DOCK2: variants seen among roughly 807,000 people sequenced by gnomAD.
DOCK2 encodes the protein dedicator of cytokinesis protein 2.
DOCK2 carries 87 observed loss-of-function variants against 248.9 expected under a neutral mutation model. The ratio of observed to expected loss-of-function variants is 0.35; its 90% confidence interval spans 0.29 to 0.42. DOCK2 has a LOEUF of 0.42. Ranked by LOEUF, DOCK2 falls within the 10% of genes least tolerant of loss-of-function variation. The pLI is 1.00. For synonymous variants in DOCK2, 805 were observed against 821.6 expected, an observed-to-expected ratio of 0.98 and a Z score of 0.35; for missense variants, 1,747 against 2,300.2, an observed-to-expected ratio of 0.76 and a Z score of 4.92.
chr5:169,708,001 T>C (rs1337843998), intron 14 of DOCK2, among the ~76,000 whole-genome samples, 168 bp from the exon 15 acceptor site: 1 of 152,190 alleles, frequency 6.6e-6, no homozygotes, highest in Non-Finnish European at 1.5e-5. Flanking sequence ...CACTCCTGTG[T>C]AAATCTGTAA....
chr5:169,901,605 G>C (rs1773930310), intron 27 of DOCK2, among the ~76,000 whole-genome samples: 1 of 152,182 alleles, frequency 6.6e-6, no homozygotes, highest in South Asian at 2.1e-4. Context: ...ATGATGGCAA[G>C]GTGGTAACAG....
intron 9 of DOCK2, among the ~76,000 whole-genome samples, chr5:169,691,862 TA>T (rs1321602686): frequency 3.2e-5 from 4 of 125,546 alleles, no homozygotes; most frequent in African/African-American, 9.0e-5. Context: ...TATTTTTATT[TA>T]TTTTTTTTTT....
chr5:169,658,679 T>C (rs1024823052), intron 2 of DOCK2, among the ~76,000 whole-genome samples: 1 of 151,796 alleles, frequency 6.6e-6, no homozygotes, highest in African/African-American at 2.4e-5. Context: ...TTTAAGCTTA[T>C]ATGTTTGTAC....
chr5:169,938,943 G>A (rs763114742), intron 27 of DOCK2, among the ~76,000 whole-genome samples: 8 of 137,368 alleles, frequency 5.8e-5, no homozygotes, highest in Non-Finnish European at 9.1e-5. Flanking sequence ...TTGCTCTGTC[G>A]CCCAGGCTGG....
chr5:169,881,525 C>G, intron 27 of DOCK2: 1 of 1,027,160 alleles, frequency 9.7e-7, no homozygotes, highest in Non-Finnish European at 1.5e-6. Context: ...GTCCCTTAGT[C>G]CCTATAGCAC....
rs374174531 is a variant in DOCK2, at chr5:170,057,637, C to T, written c.4438C>T (p.Arg1480Cys). Residue 1480 changes from arginine (R) to cysteine (C), a missense_variant, in exon 44 of 52, where the codon CGC becomes TGC. Arg to Cys is a radical substitution (Grantham distance 180, BLOSUM62 -3). Transcript: ENST00000520908. Reference sequence around the variant, plus strand: ...TGCATACAAGCTGCCGGGGATCCTGCGCTGGTTTGAGGTGGTGCACATGTC... The same window carrying T: ...TGCATACAAGCTGCCGGGGATCCTGTGCTGGTTTGAGGTGGTGCACATGTC... ...VTAYKLPGIL[R>C]WFEVVHMSQT... The T allele has an allele frequency of 5.0e-6, 8 of 1,613,684 alleles. No homozygotes were observed. Among genetic ancestry groups the T allele is most frequent in the South Asian group, 2.2e-5 (2 of 91,012 alleles).
At chr5:169,926,576 C>T (rs1775473283) in intron 27 of DOCK2, among the ~76,000 whole-genome samples, 1 of 152,118 alleles carries the variant, frequency 6.6e-6, no homozygotes. Context: ...AGTGATGTGG[C>T]ACATCAGCTC....
At chr5:169,704,915 A>G (rs1042399907) in intron 14 of DOCK2, among the ~76,000 whole-genome samples, 8 of 152,168 alleles carry the variant, frequency 5.3e-5, no homozygotes, top group African/African-American at 1.9e-4. Context: ...TAATCCCAGC[A>G]CTTTGGGAGG....
chr5:170,041,271 A>T, intron 37 of DOCK2, 126 bp downstream of exon 37: 2 of 834,024 alleles, frequency 2.4e-6, no homozygotes, highest in South Asian at 3.1e-5. Flanking sequence ...TGTGTCTCCA[A>T]ACTCTTGAGC....
At chr5:169,812,274 G>T (rs1470965305) in intron 26 of DOCK2, among the ~76,000 whole-genome samples, 3 of 152,200 alleles carry the variant, frequency 2.0e-5, no homozygotes, top group Non-Finnish European at 4.4e-5. Context: ...AACTGCACAT[G>T]AGAGGAGTCT....
rs548882352 is a variant in DOCK2, at chr5:169,949,403, G to A, written c.2800-33665G>A. 2.6e-5 allele frequency among the ~76,000 whole-genome samples: 4 copies of A among 152,278 alleles called. No individual in the cohort carries two copies. In the East Asian group the frequency reaches 7.7e-4, roughly 29 times the overall value. ...TCCATGTTCCTGGGGCTGCCTGAAG[G>A]GATGGCTTTTGAGATTTTTCTTGAA... On this transcript the variant is annotated intron_variant, in intron 27 of 51. Transcript: ENST00000520908.
chr5:169,896,007 T>C (rs1345804511), intron 27 of DOCK2, among the ~76,000 whole-genome samples: 1 of 152,194 alleles, frequency 6.6e-6, no homozygotes, highest in Non-Finnish European at 1.5e-5. Flanking sequence ...ATCTCAAGCC[T>C]GGCCTTGGCC....
At chr5:169,961,432 A>G (rs375276707) in intron 27 of DOCK2, among the ~76,000 whole-genome samples, 3 of 152,374 alleles carry the variant, frequency 2.0e-5, no homozygotes, top group South Asian at 4.1e-4. Context: ...ACAGTGCAAG[A>G]ATAAGTATAG....
intron 32 of DOCK2, among the ~76,000 whole-genome samples, chr5:170,010,982 G>T (rs993211848): frequency 6.6e-6 from 1 of 152,226 alleles, no homozygotes; most frequent in African/African-American, 2.4e-5. Context: ...GCTGATGAAT[G>T]AAAAGATGTT....
At chr5:169,958,585 C>CA (rs112769562) in intron 27 of DOCK2, among the ~76,000 whole-genome samples, 2 of 150,986 alleles carry the variant, frequency 1.3e-5, no homozygotes, top group African/African-American at 4.9e-5. Flanking sequence ...TCCTGGGTTT[C>CA]TTTTTTTTTG....
intron 27 of DOCK2, among the ~76,000 whole-genome samples, chr5:169,904,768 A>G (rs577212916): frequency 1.3e-5 from 2 of 152,280 alleles, no homozygotes; most frequent in East Asian, 3.9e-4. Context: ...CATCAGTGAC[A>G]CTGTATGGAG....
chr5:169,649,196 C>T (rs1482082264), intron 1 of DOCK2, among the ~76,000 whole-genome samples: 1 of 152,184 alleles, frequency 6.6e-6, no homozygotes, highest in Non-Finnish European at 1.5e-5. Flanking sequence ...GCTTTTGTTC[C>T]TCTTACACAG....
chr5:169,745,616 TG>T (rs1763569264), intron 22 of DOCK2, among the ~76,000 whole-genome samples: 1 of 152,132 alleles, frequency 6.6e-6, no homozygotes, highest in East Asian at 1.9e-4. Context: ...ACTGGCCTGG[TG>T]TTTTCTGGCA....
intron 6 of DOCK2, among the ~76,000 whole-genome samples, chr5:169,678,420 T>C (rs28668867): frequency 0.038 from 5,810 of 152,090 alleles, 384 homozygotes; most frequent in African/African-American, 0.13. Context: ...CACGTCACCA[T>C]GCCAGGCTAA....
Sources: allele counts gnomAD v4.1 joint callset (sites outside exome capture counted in the v4.1 genomes callset), GRCh38; gene constraint gnomAD v4.1.1; transcripts MANE v1.5; gene names NCBI Gene and HGNC (gene_info 2026-07-23, HGNC 2026-07-21).